Variants in GPATCH2 observed in about 807,000 individuals in gnomAD.
GPATCH2 encodes the protein G patch domain-containing protein 2.
A neutral mutation model predicts 58.0 loss-of-function variants in GPATCH2; 51 were observed. That is an observed-to-expected ratio of 0.88 (90% CI 0.70 to 1.11). The LOEUF (loss-of-function observed/expected upper bound fraction) is 1.11, where lower values mean the gene tolerates loss of function less well. Ranked by LOEUF, GPATCH2 falls within the 50% of genes most tolerant of loss-of-function variation. The probability of loss-of-function intolerance (pLI) is 0.00; values close to 1 mark genes in which losing one functional copy is unlikely to be tolerated. For missense variants in GPATCH2, 625 were observed against 652.2 expected (o/e 0.96, Z 0.45); for synonymous variants, 222 against 218.5 (o/e 1.02, Z -0.14).
chr1:217,630,897 C>G lies in GPATCH2; in HGVS notation c.56+19G>C, dbSNP rs752808530. 3.7e-5 allele frequency: 58 copies of G among 1,578,140 alleles called. No individual in the cohort carries two copies. The highest frequency in any genetic ancestry group is 5.0e-5 in the Non-Finnish European group (58 of 1,165,954). ...ACACCCTTCCCTGACCTCCCCCTCC[C>G]CAGGGCCGCCAGCCTCACCAGCTGT... On this transcript the variant is annotated intron_variant, in intron 1 of 9. Coordinates refer to ENST00000366935, the MANE Select transcript of GPATCH2 (RefSeq NM_018040.5).
intron 1 of GPATCH2, among the ~76,000 whole-genome samples, chr1:217,626,775 ATAACCCTAACAC>A (rs565246000): frequency 1.8e-3 from 271 of 152,256 alleles, no homozygotes; most frequent in African/African-American, 5.7e-3. Context: ...AAAATTATCA[ATAACCCTAACAC>A]TAAATGTCGA....
chr1:217,609,598 C>T, intron 5 of GPATCH2: 1 of 984,036 alleles, frequency 1.0e-6, no homozygotes, highest in Non-Finnish European at 1.2e-6. Context: ...ATACAAACTC[C>T]AGCAAAGATT....
At chr1:217,627,310 ATAGT>A (rs976871646) in intron 1 of GPATCH2, among the ~76,000 whole-genome samples, 2 of 152,032 alleles carry the variant, frequency 1.3e-5, no homozygotes, top group African/African-American at 4.8e-5. Context: ...TGAGGGTATT[ATAGT>A]TAAAGGCCTT....
At chr1:217,497,731 G>A (rs894295517) in intron 7 of GPATCH2, among the ~76,000 whole-genome samples, 1 of 150,600 alleles carries the variant, frequency 6.6e-6, no homozygotes, top group African/African-American at 2.5e-5. Context: ...AACTTTGCAA[G>A]GATGCAAACT....
At chr1:217,527,019 T>C (rs1663940246) in intron 5 of GPATCH2, among the ~76,000 whole-genome samples, 1 of 152,176 alleles carries the variant, frequency 6.6e-6, no homozygotes, top group Admixed American at 6.6e-5. Context: ...ACAAGCTGAG[T>C]GCTCCCACTA....
intron 9 of GPATCH2, among the ~76,000 whole-genome samples, chr1:217,433,740 A>G (rs1359844511): frequency 6.6e-6 from 1 of 152,164 alleles, no homozygotes; most frequent in East Asian, 1.9e-4. Flanking sequence ...TATGTATTTC[A>G]CAGTAAAAAA....
intron 8 of GPATCH2, among the ~76,000 whole-genome samples, chr1:217,489,346 G>A (rs562223942): frequency 1.5e-4 from 23 of 152,100 alleles, no homozygotes; most frequent in Non-Finnish European, 8.8e-5. Flanking sequence ...TAGTTATTTA[G>A]ATATTTTACC....
chr1:217,477,400 C>T (rs530346196), intron 8 of GPATCH2, among the ~76,000 whole-genome samples: 5 of 152,092 alleles, frequency 3.3e-5, no homozygotes, highest in Admixed American at 1.3e-4. Context: ...CACAGGGGCA[C>T]GGAGCACCAA....
rs1357722652 is a variant in GPATCH2 at position 217,629,706 on chromosome 1, A to C, written c.56+1210T>G. On this transcript the variant is annotated intron_variant, in intron 1 of 9. Transcript: ENST00000366935. ...CAAAACTAATAAAATTAAGCCTGTA[A>C]AAATTGTGCATTTCATTCTATGCTA... 2.6e-5 allele frequency among the ~76,000 whole-genome samples: 4 copies of C among 152,318 alleles called. No individual in the cohort carries two copies. In the East Asian group the frequency reaches 7.7e-4, roughly 29 times the overall value.
At chr1:217,555,054 G>C (rs1665553476) in intron 5 of GPATCH2, among the ~76,000 whole-genome samples, 1 of 152,130 alleles carries the variant, frequency 6.6e-6, no homozygotes, top group African/African-American at 2.4e-5. Flanking sequence ...GAAAATTTAT[G>C]ACACCTGAAT....
chr1:217,620,162 A>G lies in GPATCH2; in HGVS notation c.394T>C (p.Leu132=). 6.2e-7 allele frequency: 1 copy of G among 1,614,094 alleles called. No individual in the cohort carries two copies. Among genetic ancestry groups the G allele is most frequent in the South Asian group, 1.1e-5 (1 of 91,080 alleles). ...CTTTTCCCTCGAACATTATTATTTA[A>G]GTTTGATGACGGCCTGCGCTTTGCT... ...LVAKRRPSSN[L]NNNVRGKRPL... Residue 132 remains leucine, a synonymous_variant, in exon 2 of 10, where the codon TTA becomes CTA. Coordinates refer to ENST00000366935, the MANE Select transcript of GPATCH2 (RefSeq NM_018040.5).
intron 1 of GPATCH2, among the ~76,000 whole-genome samples, chr1:217,621,751 T>C (rs1669199508): frequency 6.6e-6 from 1 of 152,232 alleles, no homozygotes. Flanking sequence ...TATAACAGCT[T>C]TCAACTTTTG....
At position 217,614,209 on chromosome 1, in the gene GPATCH2, T is replaced by A. The variant is rs1386646987; in HGVS notation, c.774-7A>T. The A allele has an allele frequency of 6.5e-7, 1 of 1,530,284 alleles. No homozygotes were observed. Among genetic ancestry groups the A allele is most frequent in the Non-Finnish European group, 9.0e-7 (1 of 1,107,454 alleles). 94.8% of individuals were successfully genotyped at this position (1,530,284 alleles called of 1,614,324 possible). A position where few individuals can be genotyped will look rare whatever the true frequency, so the allele number is the denominator to read the frequency against. The stretch of plus-strand genomic sequence containing the variant: ...GCTGAGACTGCTGGAATCACTGTAA[T>A]AAGGAAAAAGAAAGAAACAGATCAA... On this transcript the variant is annotated splice_polypyrimidine_tract_variant and splice_region_variant and intron_variant, in intron 2 of 9. Transcript: ENST00000366935.
intron 8 of GPATCH2, among the ~76,000 whole-genome samples, chr1:217,489,370 T>C (rs1312297872): frequency 6.6e-6 from 1 of 151,774 alleles, no homozygotes; most frequent in Non-Finnish European, 1.5e-5. Flanking sequence ...GAATACTTAA[T>C]GTAGTCTTAT....
At chr1:217,572,920 C>A (rs1263832610) in intron 5 of GPATCH2, among the ~76,000 whole-genome samples, 3 of 152,148 alleles carry the variant, frequency 2.0e-5, no homozygotes, top group African/African-American at 7.2e-5. Flanking sequence ...TGTTTAAGCA[C>A]CTTTGTAAAA....
intron 9 of GPATCH2, among the ~76,000 whole-genome samples, chr1:217,434,646 ATTTG>A (rs889033438): frequency 6.6e-6 from 1 of 152,228 alleles, no homozygotes; most frequent in African/African-American, 2.4e-5. Context: ...CAGAATTAAA[ATTTG>A]TTTAATATTT....
At position 217,454,627 on chromosome 1, in the gene GPATCH2, C is replaced by A. The variant is rs547001508; in HGVS notation, c.1278-5290G>T. On this transcript the variant is annotated intron_variant, in intron 8 of 9. Coordinates refer to ENST00000366935, the MANE Select transcript of GPATCH2 (RefSeq NM_018040.5). ...AAAAAAAAACCTTTCCTTTTTTTTT[C>A]CTCCCCTTTTTGAGACAGAGTCTCA... Among the ~76,000 whole-genome samples, 51 of 130,246 alleles carry A rather than the reference C, an allele frequency of 3.9e-4. 1 individual carries two copies. In the South Asian group the frequency reaches 0.013, roughly 32 times the overall value. The allele number at this position is 130,246 out of a possible 152,430, so 85.4% of individuals were successfully genotyped here.
intron 5 of GPATCH2, among the ~76,000 whole-genome samples, chr1:217,527,799 A>T (rs965011900): frequency 5.3e-5 from 8 of 152,194 alleles, no homozygotes; most frequent in Admixed American, 2.0e-4. Context: ...ATAGTGAACA[A>T]CTACTTCATA....
chr1:217,594,087 GC>G (rs1258372419), intron 5 of GPATCH2, among the ~76,000 whole-genome samples: 1 of 151,996 alleles, frequency 6.6e-6, no homozygotes, highest in African/African-American at 2.4e-5. Context: ...ACATCTAGAT[GC>G]TCTAGGTACG....
Sources: gnomAD v4.1 joint callset for allele counts (sites outside exome capture counted in the v4.1 genomes callset) on GRCh38, gnomAD v4.1.1 for gene constraint, MANE v1.5 for transcripts, NCBI Gene and HGNC (gene_info 2026-07-23, HGNC 2026-07-21) for gene names.